Variants in IL31RA observed in about 807,000 individuals in gnomAD.
IL31RA encodes interleukin-31 receptor subunit alpha.
IL31RA carries 66 observed loss-of-function variants against 83.7 expected under a neutral mutation model. That is an observed-to-expected ratio of 0.79 (90% CI 0.65 to 0.97). The LOEUF (loss-of-function observed/expected upper bound fraction) is 0.97, where lower values mean the gene tolerates loss of function less well. Ranked by LOEUF, IL31RA falls within the 50% of genes least tolerant of loss-of-function variation. IL31RA has a pLI of 0.00. For synonymous variants in IL31RA, 325 were observed against 329.0 expected (o/e 0.99, Z 0.13); for missense variants, 798 against 919.4 (o/e 0.87, Z 1.71).
At chr5:55,915,232 C>T (rs1242830192) in intron 14 of IL31RA, among the ~76,000 whole-genome samples, 1 of 152,172 alleles carries the variant, frequency 6.6e-6, no homozygotes, top group African/African-American at 2.4e-5. Context: ...CCCTTCCTGA[C>T]CTGATGGGCT....
chr5:55,896,526 C>T, intron 7 of IL31RA, 97 bp downstream of exon 7: 2 of 603,180 alleles, frequency 3.3e-6, no homozygotes, highest in Non-Finnish European at 5.9e-6. Context: ...TTCCATCCTC[C>T]TTCCCTTCCC....
Position 55,883,162 on chromosome 5 carries a change from A to T in IL31RA, c.573A>T (p.Thr191=). 6.2e-7 allele frequency: 1 copy of T among 1,613,996 alleles called. No individual in the cohort carries two copies. Among genetic ancestry groups the T allele is most frequent in the Non-Finnish European group, 8.5e-7 (1 of 1,179,892 alleles). The change falls in exon 5 of 15, where the codon ACA becomes ACT. Residue 191 remains threonine, a synonymous_variant. Transcript: ENST00000652347. ...LAPVSSDLKY[T]LRFRTVNSTS... ...CTGTTTCATCTGATTTAAAATACAC[A>T]CTTCGATTCAGGACAGTCAACAGTA...
intron 6 of IL31RA, among the ~76,000 whole-genome samples, chr5:55,894,541 A>T (rs558360428): frequency 6.6e-6 from 1 of 152,318 alleles, no homozygotes; most frequent in East Asian, 1.9e-4. Flanking sequence ...CATTTATCTC[A>T]TTGGGAGATC....
rs1749036359 is a variant in IL31RA, at chr5:55,904,855, A to C, written c.1070-1251A>C. On this transcript the variant is annotated intron_variant, in intron 8 of 14. Transcript: ENST00000652347. Reference sequence around the variant, plus strand: ...GGTTTCTTTTTTTTTTTTTTTTTGCAGGACACTTTTGTGCCTGTATCCAGG... The same window carrying C: ...GGTTTCTTTTTTTTTTTTTTTTTGCCGGACACTTTTGTGCCTGTATCCAGG... Among the ~76,000 whole-genome samples the C allele has an allele frequency of 1.2e-4, 12 of 99,892 alleles. No homozygotes were observed. The South Asian group carries it at 3.8e-3, about 32-fold the overall frequency. 65.5% of individuals were successfully genotyped at this position (99,892 alleles called of 152,430 possible).
At chr5:55,864,267 A>C (rs1745869131) in intron 2 of IL31RA, among the ~76,000 whole-genome samples, 1 of 144,420 alleles carries the variant, frequency 6.9e-6, no homozygotes, top group Non-Finnish European at 1.5e-5. Flanking sequence ...GAGACTGAGG[A>C]TAGATCCACA....
intron 6 of IL31RA, among the ~76,000 whole-genome samples, chr5:55,890,365 T>G (rs1747910420): frequency 6.6e-6 from 1 of 152,076 alleles, no homozygotes; most frequent in African/African-American, 2.4e-5. Context: ...ATCATATCAT[T>G]TGTTTTGTTT....
chr5:55,897,759 G>A (rs73118483), intron 7 of IL31RA, among the ~76,000 whole-genome samples: 4,687 of 152,138 alleles, frequency 0.031, 262 homozygotes, highest in African/African-American at 0.11. Context: ...AAGGAAAAGG[G>A]CAGATGGAGA....
chr5:55,909,524 T>C (rs1245165324), intron 11 of IL31RA, among the ~76,000 whole-genome samples: 1 of 152,192 alleles, frequency 6.6e-6, no homozygotes, highest in Non-Finnish European at 1.5e-5. Context: ...CTATACATTT[T>C]TTACTAGCAA....
intron 7 of IL31RA, among the ~76,000 whole-genome samples, chr5:55,897,552 A>G (rs543312838): frequency 1.6e-4 from 25 of 152,248 alleles, no homozygotes; most frequent in Admixed American, 3.9e-4. Context: ...TTGGCAACAT[A>G]TATGGCACAT....
At chr5:55,860,218 A>T (rs1745594792) in intron 2 of IL31RA, among the ~76,000 whole-genome samples, 1 of 151,960 alleles carries the variant, frequency 6.6e-6, no homozygotes, top group African/African-American at 2.4e-5. Context: ...AAAATACAAA[A>T]ATTAACCGAG....
Position 55,859,705 on chromosome 5 carries a change from A to G in IL31RA, c.154+106A>G, listed in dbSNP as rs1030154936. 5.3e-5 allele frequency: 44 copies of G among 828,912 alleles called. No individual in the cohort carries two copies. In the Middle Eastern group the frequency reaches 1.5e-3, roughly 29 times the overall value. 51.3% of individuals were successfully genotyped at this position (828,912 alleles called of 1,614,324 possible). ...ACCTGGATTATGGACATCCACAGAT[A>G]GAAAAGGGGACTTGTGAACACCCTG... On this transcript the variant is annotated intron_variant, in intron 2 of 14. Coordinates refer to ENST00000652347, the MANE Select transcript of IL31RA (RefSeq NM_139017.7).
At chr5:55,853,250 T>G (rs1745160793) in intron 1 of IL31RA, 1 of 1,082,364 alleles carries the variant, frequency 9.2e-7, no homozygotes, top group Admixed American at 4.5e-5. Context: ...CTTCTTTTAG[T>G]TGTTTCTGGT....
At position 55,890,005 on chromosome 5, in the gene IL31RA, A is replaced by G; in HGVS notation, c.642A>G (p.Lys214=). The G allele has an allele frequency of 6.2e-7, 1 of 1,614,188 alleles. No homozygotes were observed. Among genetic ancestry groups the G allele is most frequent in the East Asian group, 2.2e-5 (1 of 44,880 alleles). ...ACTTCGCTAAGAACCGTAAGGATAAAAACCAAACGTACAACCTCACGGGGC... is the reference window on the plus strand; with the variant it reads ...ACTTCGCTAAGAACCGTAAGGATAAGAACCAAACGTACAACCTCACGGGGC... ...EVNFAKNRKD[K]NQTYNLTGLQ... The change falls in exon 6 of 15, where the codon AAA becomes AAG. Residue 214 remains lysine (K), a synonymous_variant. Transcript: ENST00000652347.
intron 14 of IL31RA, among the ~76,000 whole-genome samples, chr5:55,915,950 T>A (rs1324444447): frequency 1.3e-5 from 2 of 152,232 alleles, no homozygotes; most frequent in Non-Finnish European, 2.9e-5. Context: ...GATTTTCTGG[T>A]GAGGTTGAAC....
intron 6 of IL31RA, among the ~76,000 whole-genome samples, chr5:55,891,551 C>T (rs1409882610): frequency 6.6e-6 from 1 of 152,076 alleles, no homozygotes; most frequent in African/African-American, 2.4e-5. Flanking sequence ...ATCTACAATA[C>T]TTATCCCCCC....
chr5:55,909,472 T>C (rs960692603), intron 11 of IL31RA, among the ~76,000 whole-genome samples: 3 of 152,222 alleles, frequency 2.0e-5, no homozygotes, highest in Non-Finnish European at 4.4e-5. Flanking sequence ...GTTTAACTTA[T>C]TGAGGAGCCA....
At chr5:55,848,771 G>T (rs1269191901), upstream of IL31RA, among the ~76,000 whole-genome samples, 1 of 152,044 alleles carries the variant, frequency 6.6e-6, no homozygotes, top group African/African-American at 2.4e-5. Context: ...CTGCCTCAGG[G>T]GCTGCAACTC....
At chr5:55,885,096 A>G (rs1747500447) in intron 5 of IL31RA, among the ~76,000 whole-genome samples, 2 of 152,192 alleles carry the variant, frequency 1.3e-5, no homozygotes, top group Non-Finnish European at 2.9e-5. Flanking sequence ...GGATATGGTC[A>G]TTTATTCAGG....
intron 2 of IL31RA, among the ~76,000 whole-genome samples, chr5:55,867,268 CGTGTGTGT>C (rs56374716): frequency 1.6e-5 from 2 of 127,840 alleles, no homozygotes; most frequent in African/African-American, 6.2e-5. Context: ...TGTTTGTGTG[CGTGTGTGT>C]GCATGTGTGT....
Sources: gnomAD v4.1 joint callset for allele counts (sites outside exome capture counted in the v4.1 genomes callset) on GRCh38, gnomAD v4.1.1 for gene constraint, MANE v1.5 for transcripts, NCBI Gene and HGNC (gene_info 2026-07-23, HGNC 2026-07-21) for gene names.